GSAP: variants seen among roughly 807,000 people sequenced by gnomAD.
GSAP encodes gamma-secretase activating protein.
A neutral mutation model predicts 131.7 loss-of-function variants in GSAP; 118 were observed. The observed-to-expected ratio is 0.90, with a 90% CI of 0.77 to 1.04. The LOEUF is 1.04. Ranked by LOEUF, GSAP falls within the 50% of genes least tolerant of loss-of-function variation. The pLI is 0.00. For synonymous variants in GSAP, 381 were observed against 363.4 expected (o/e 1.05, Z -0.55); for missense variants, 1,019 against 1,013.2 (o/e 1.01, Z -0.08).
At chr7:77,400,728 A>T (rs1447876337) in intron 3 of GSAP, among the ~76,000 whole-genome samples, 1 of 152,254 alleles carries the variant, frequency 6.6e-6, no homozygotes, top group Non-Finnish European at 1.5e-5. Context: ...AAAACCAGGA[A>T]GATCTCAAAC....
intron 25 of GSAP, 26 bp from the exon 26 acceptor site, chr7:77,320,845 GT>G (rs1212816568): frequency 2.1e-6 from 3 of 1,401,950 alleles, no homozygotes; most frequent in Non-Finnish European, 3.0e-6. Flanking sequence ...AAAGCAGCAT[GT>G]CAGCCAAGGA....
At chr7:77,406,262 A>G (rs2151188390) in intron 1 of GSAP, among the ~76,000 whole-genome samples, 157 bp from the exon 2 acceptor site, 1 of 152,314 alleles carries the variant, frequency 6.6e-6, no homozygotes, top group Admixed American at 6.5e-5. Context: ...TTAGAAGTAC[A>G]AACAGTAGTA....
intron 1 of GSAP, chr7:77,415,621 G>C (rs909537030): frequency 6.6e-6 from 1 of 152,304 alleles, no homozygotes; most frequent in Non-Finnish European, 1.5e-5. Context: ...CCCGCCGCGC[G>C]CAGCCTGGAG....
chr7:77,384,615 C>T (rs1798275682), intron 6 of GSAP, among the ~76,000 whole-genome samples: 1 of 151,990 alleles, frequency 6.6e-6, no homozygotes, highest in Non-Finnish European at 1.5e-5. Flanking sequence ...CTGGAACTAT[C>T]TTGAAGACAC....
Position 77,351,150 on chromosome 7 carries a change from A to G in GSAP, c.1492-1746T>C, listed in dbSNP as rs954150608. On this transcript the variant is annotated intron_variant, in intron 18 of 30. Coordinates refer to ENST00000257626, the MANE Select transcript of GSAP (RefSeq NM_017439.4). ...AAGTTTTCAGAACATGCAAACAACT[A>G]AGTTCTTCAATGTGACAGTTGAAAG... 8 of 979,898 alleles carry G rather than the reference A, an allele frequency of 8.2e-6. No homozygotes were observed. In the African/African-American group the frequency reaches 1.4e-4, roughly 17 times the overall value. 60.7% of individuals were successfully genotyped at this position (979,898 alleles called of 1,614,324 possible).
At chr7:77,379,813 G>T in intron 8 of GSAP, 6 of 967,806 alleles carry the variant, frequency 6.2e-6, no homozygotes, top group Non-Finnish European at 7.4e-6. Context: ...TAGCCCCTGC[G>T]GGACAATGGT....
intron 6 of GSAP, among the ~76,000 whole-genome samples, chr7:77,384,071 T>C (rs527319078): frequency 2.6e-4 from 39 of 152,344 alleles, no homozygotes; most frequent in African/African-American, 8.7e-4. Context: ...TTGTAAAATG[T>C]CACACATCAA....
At chr7:77,342,389 C>T (rs936146495) in intron 19 of GSAP, among the ~76,000 whole-genome samples, 18 of 152,262 alleles carry the variant, frequency 1.2e-4, no homozygotes, top group Non-Finnish European at 2.2e-4. Context: ...ACTCTGGTGC[C>T]AACTTGGACA....
intron 5 of GSAP, among the ~76,000 whole-genome samples, chr7:77,387,858 A>G (rs1798816554): frequency 6.6e-6 from 1 of 152,242 alleles, no homozygotes; most frequent in South Asian, 2.1e-4. Flanking sequence ...GCATTTACAG[A>G]AAAGCATCAC....
intron 6 of GSAP, among the ~76,000 whole-genome samples, chr7:77,385,220 G>T (rs190697134): frequency 5.9e-5 from 9 of 152,086 alleles, no homozygotes; most frequent in Admixed American, 4.6e-4. Flanking sequence ...TTTTAGTAGA[G>T]ATGGGGTTTT....
Position 77,311,915 on chromosome 7 carries a change from G to A in GSAP, c.2399C>T (p.Ser800Leu). The A allele has an allele frequency of 1.3e-6, 2 of 1,598,296 alleles. No individual in the cohort carries two copies. Among genetic ancestry groups the A allele is most frequent in the Non-Finnish European group, 1.7e-6 (2 of 1,165,726 alleles). The change falls in exon 30 of 31, where the codon TCA (serine) becomes TTA (leucine). Residue 800 changes from serine to leucine, a missense_variant. By Grantham distance (145) the Ser-to-Leu change is moderately radical. Transcript: ENST00000257626. ...AGGCAGAAATTCTACACTGAACGAT[G>A]ACTTGTTAATCATAGAATTCCGAGG... The part of the protein sequence containing the change: ...KQPRNSMINK[S>L]SFSVEFLPLN...
rs780774062 is a variant in GSAP, at chr7:77,406,144, G to A, written c.110-39C>T. 1.9e-5 allele frequency: 21 copies of A among 1,130,082 alleles called. No individual in the cohort carries two copies. The African/African-American group carries it at 3.0e-4, about 16-fold the overall frequency. The allele number at this position is 1,130,082 out of a possible 1,614,324, so 70.0% of individuals were successfully genotyped here. A position where few individuals can be genotyped will look rare whatever the true frequency, so the allele number is the denominator to read the frequency against. On this transcript the variant is annotated intron_variant, in intron 1 of 30. Coordinates refer to ENST00000257626, the MANE Select transcript of GSAP (RefSeq NM_017439.4). ...AGGAGGTTAATACTCAGCAGAAGATGGTTAAAAACATATCTAACCAATATA... is the reference window on the plus strand; with the variant it reads ...AGGAGGTTAATACTCAGCAGAAGATAGTTAAAAACATATCTAACCAATATA...
In GSAP at chr7:77,387,456, G is replaced by A; in HGVS notation, c.368-8C>T. 2 of 1,482,804 alleles carry A rather than the reference G, an allele frequency of 1.3e-6. No individual in the cohort carries two copies. The highest frequency in any genetic ancestry group is 1.9e-6 in the Non-Finnish European group (2 of 1,061,468). 91.9% of individuals were successfully genotyped at this position (1,482,804 alleles called of 1,614,324 possible). A position where few individuals can be genotyped will look rare whatever the true frequency, so the allele number is the denominator to read the frequency against. The stretch of plus-strand genomic sequence containing the variant: ...AAGTCAAGCACTTTGATCCTACAGA[G>A]AAAAGAAGGCTTTTAGTAACGAAGA... On this transcript the variant is annotated splice_polypyrimidine_tract_variant and splice_region_variant and intron_variant, in intron 5 of 30. Coordinates refer to ENST00000257626, the MANE Select transcript of GSAP (RefSeq NM_017439.4).
At position 77,311,453 on chromosome 7, in the gene GSAP, GA is replaced by G; in HGVS notation, c.2474-5del. ...TGTCCTTCAAAAGGATACAGGGCTGGAAAAAAATGGGGAGAGGGCAGGGAAA... is the reference window on the plus strand; with the variant it reads ...TGTCCTTCAAAAGGATACAGGGCTGGAAAAAATGGGGAGAGGGCAGGGAAA... On this transcript the variant is annotated splice_region_variant and splice_polypyrimidine_tract_variant and intron_variant, in intron 30 of 30. Coordinates refer to ENST00000257626, the MANE Select transcript of GSAP (RefSeq NM_017439.4). 32 of 1,567,080 alleles carry G rather than the reference GA, an allele frequency of 2.0e-5. No homozygotes were observed. Among genetic ancestry groups the G allele is most frequent in the Non-Finnish European group, 2.5e-5 (29 of 1,139,076 alleles).
chr7:77,354,677 C>CTTTT (rs58464934), intron 16 of GSAP, among the ~76,000 whole-genome samples: 41 of 140,812 alleles, frequency 2.9e-4, no homozygotes, highest in African/African-American at 9.1e-4. Flanking sequence ...CGTCTAATGT[C>CTTTT]TTTTTTTTTT....
intron 5 of GSAP, among the ~76,000 whole-genome samples, chr7:77,395,280 A>G (rs1800180510): frequency 6.6e-6 from 1 of 152,080 alleles, no homozygotes. Context: ...GAGCCAACCC[A>G]AGTTTCTACA....
At chr7:77,341,885 C>T (rs1382885813) in intron 19 of GSAP, among the ~76,000 whole-genome samples, 1 of 152,212 alleles carries the variant, frequency 6.6e-6, no homozygotes, top group African/African-American at 2.4e-5. Context: ...ACCCCAGCCA[C>T]ATCTCCAGCA....
At chr7:77,343,931 A>G (rs1791399513) in intron 19 of GSAP, among the ~76,000 whole-genome samples, 1 of 150,902 alleles carries the variant, frequency 6.6e-6, no homozygotes, top group African/African-American at 2.4e-5. Flanking sequence ...CTATTCTACT[A>G]CTCTTCAGGG....
chr7:77,314,341 A>G (rs772339206), intron 27 of GSAP, 29 bp downstream of exon 27: 7 of 1,612,262 alleles, frequency 4.3e-6, no homozygotes, highest in Non-Finnish European at 5.1e-6. Flanking sequence ...GGCTGGAACT[A>G]GCACTCTGGC....
Sources: gnomAD v4.1 joint callset for allele counts (sites outside exome capture counted in the v4.1 genomes callset) on GRCh38, gnomAD v4.1.1 for gene constraint, MANE v1.5 for transcripts, NCBI Gene and HGNC (gene_info 2026-07-23, HGNC 2026-07-21) for gene names.